The following NTN1 variants were observed in gnomAD, a reference collection of about 807,000 sequenced individuals.
NTN1 encodes netrin 1.
NTN1 carries 11 observed loss-of-function variants against 54.2 expected under a neutral mutation model. That is an observed-to-expected ratio of 0.20 (90% CI 0.13 to 0.34). The LOEUF (loss-of-function observed/expected upper bound fraction) is 0.34, where lower values mean the gene tolerates loss of function less well. NTN1 is among the 10% of genes least tolerant of loss of function. The probability of loss-of-function intolerance (pLI) is 1.00; values close to 1 mark genes in which losing one functional copy is unlikely to be tolerated. For missense variants in NTN1, 740 were observed against 893.1 expected, an observed-to-expected ratio of 0.83 and a Z score of 2.18; for synonymous variants, 371 against 382.0, an observed-to-expected ratio of 0.97 and a Z score of 0.33.
chr17:9,161,773 C>T (rs901175426), intron 2 of NTN1, among the ~76,000 whole-genome samples: 8 of 152,144 alleles, frequency 5.3e-5, no homozygotes, highest in Non-Finnish European at 8.8e-5. Flanking sequence ...GAAAGACTCC[C>T]GTCTCAAAAA....
At chr17:9,234,764 T>C (rs1231350206) in intron 6 of NTN1, among the ~76,000 whole-genome samples, 1 of 152,180 alleles carries the variant, frequency 6.6e-6, no homozygotes, top group Non-Finnish European at 1.5e-5. Flanking sequence ...TGAGCACTTA[T>C]GATAAAACCA....
intron 2 of NTN1, among the ~76,000 whole-genome samples, chr17:9,144,917 G>C (rs1247203089): frequency 6.6e-6 from 1 of 152,106 alleles, no homozygotes; most frequent in Non-Finnish European, 1.5e-5. Context: ...GGACCCCCTG[G>C]AGAGGCACAC....
intron 6 of NTN1, among the ~76,000 whole-genome samples, chr17:9,226,501 T>TGTCTCGTGGGGAGGC (rs1905564291): frequency 4.2e-5 from 1 of 24,032 alleles, no homozygotes; most frequent in Non-Finnish European, 6.2e-5. Flanking sequence ...CGTGGGGAGG[T>TGTCTCGTGGGGAGGC]GGTCTCGTGG....
intron 2 of NTN1, among the ~76,000 whole-genome samples, chr17:9,131,637 A>G (rs1204372909): frequency 2.0e-5 from 3 of 149,222 alleles, no homozygotes; most frequent in African/African-American, 5.0e-5. Flanking sequence ...CTACTATGCA[A>G]TGGTGTGATA....
intron 2 of NTN1, among the ~76,000 whole-genome samples, chr17:9,030,472 C>G (rs574803329): frequency 3.3e-5 from 5 of 152,198 alleles, no homozygotes; most frequent in African/African-American, 4.8e-5. Context: ...TGTGGCTGGA[C>G]GCAGTGGCTC....
intron 2 of NTN1, 123 bp downstream of exon 2, chr17:9,023,514 T>A: frequency 8.4e-7 from 1 of 1,191,662 alleles, no homozygotes; most frequent in Non-Finnish European, 1.1e-6. Flanking sequence ...CGTTCGCCGA[T>A]GCCCGGGACC....
chr17:9,115,966 C>T (rs2092210788), intron 2 of NTN1, among the ~76,000 whole-genome samples: 1 of 152,244 alleles, frequency 6.6e-6, no homozygotes, highest in Non-Finnish European at 1.5e-5. Flanking sequence ...GGGCGGAGGC[C>T]CCAGGGGCAG....
At chr17:9,214,565 G>A (rs986841831) in intron 5 of NTN1, among the ~76,000 whole-genome samples, 9 of 152,238 alleles carry the variant, frequency 5.9e-5, no homozygotes, top group Non-Finnish European at 1.2e-4. Flanking sequence ...GCTCACGCCT[G>A]TAATCCCAGC....
chr17:9,236,096 C>G (rs949948396), intron 6 of NTN1, among the ~76,000 whole-genome samples: 60 of 146,492 alleles, frequency 4.1e-4, no homozygotes, highest in African/African-American at 1.5e-3. Context: ...TATTCTCACA[C>G]TGGATATCAA....
intron 5 of NTN1, among the ~76,000 whole-genome samples, chr17:9,186,312 T>G (rs2142322983): frequency 6.6e-6 from 1 of 152,328 alleles, no homozygotes; most frequent in East Asian, 1.9e-4. Flanking sequence ...CCCATGGGCC[T>G]TCCAGCAGAA....
At chr17:9,144,887 C>T (rs1184426350) in intron 2 of NTN1, among the ~76,000 whole-genome samples, 3 of 152,160 alleles carry the variant, frequency 2.0e-5, no homozygotes, top group Non-Finnish European at 2.9e-5. Context: ...CCTGCCTCCT[C>T]GAGGGTGGGA....
At chr17:9,074,399 C>T (rs1264872157) in intron 2 of NTN1, among the ~76,000 whole-genome samples, 1 of 152,204 alleles carries the variant, frequency 6.6e-6, no homozygotes, top group East Asian at 1.9e-4. Context: ...AAATGTGTGT[C>T]ATTCCTTGTG....
chr17:9,091,454 C>CT (rs56181757), intron 2 of NTN1, among the ~76,000 whole-genome samples: 61,857 of 135,240 alleles, frequency 0.46, 15,058 homozygotes, highest in East Asian at 0.73. Flanking sequence ...AACCCCCCGC[C>CT]TTTTTTTTTT....
At chr17:9,104,467 G>A (rs955017902) in intron 2 of NTN1, among the ~76,000 whole-genome samples, 2 of 152,204 alleles carry the variant, frequency 1.3e-5, no homozygotes, top group Non-Finnish European at 2.9e-5. Context: ...GCAATGGGCC[G>A]TACAAAGCTT....
intron 2 of NTN1, among the ~76,000 whole-genome samples, chr17:9,089,015 T>C (rs1567707579): frequency 6.6e-6 from 1 of 152,166 alleles, no homozygotes; most frequent in African/African-American, 2.4e-5. Flanking sequence ...TGCTGGTGAC[T>C]GTTGTGGAGG....
At chr17:9,009,564 T>C in the NTN1 span, among the ~76,000 whole-genome samples, 3 of 152,206 alleles carry the variant, frequency 2.0e-5, no homozygotes, top group Admixed American at 2.0e-4. Context: ...TTGGAATCAA[T>C]GATCCATGTC....
At chr17:9,093,027 A>G (rs966683213) in intron 2 of NTN1, among the ~76,000 whole-genome samples, 26 of 151,272 alleles carry the variant, frequency 1.7e-4, no homozygotes, top group Admixed American at 3.3e-4. Context: ...CAAAGTGCTG[A>G]GATTACAGGC....
At chr17:9,155,348 T>G (rs1231275881) in intron 2 of NTN1, among the ~76,000 whole-genome samples, 1 of 36,754 alleles carries the variant, frequency 2.7e-5, no homozygotes, top group Non-Finnish European at 5.7e-5. Flanking sequence ...TCTTTTTTGT[T>G]TTTTTTTTTT....
At chr17:9,134,633 C>G (rs2092275583) in intron 2 of NTN1, among the ~76,000 whole-genome samples, 1 of 152,176 alleles carries the variant, frequency 6.6e-6, no homozygotes, top group Non-Finnish European at 1.5e-5. Context: ...TGAGAATAGA[C>G]AGTCTTTCTG....
Sources: gnomAD v4.1 joint callset for allele counts (sites outside exome capture counted in the v4.1 genomes callset) on GRCh38, gnomAD v4.1.1 for gene constraint, MANE v1.5 for transcripts, NCBI Gene and HGNC (gene_info 2026-07-23, HGNC 2026-07-21) for gene names.